Variants in NCAM2 observed in about 807,000 individuals in gnomAD.
The protein encoded by NCAM2 is neural cell adhesion molecule 2.
A neutral mutation model predicts 98.1 loss-of-function variants in NCAM2; 30 were observed. The observed-to-expected ratio is 0.31, with a 90% confidence interval of 0.23 to 0.41. The LOEUF (loss-of-function observed/expected upper bound fraction) is 0.41, where lower values mean the gene tolerates loss of function less well. Ranked by LOEUF, NCAM2 falls within the 10% of genes least tolerant of loss-of-function variation. NCAM2 has a pLI of 1.00. For synonymous variants in NCAM2, 368 were observed against 342.4 expected (o/e 1.07, Z -0.83); for missense variants, 867 against 1,005.8 (o/e 0.86, Z 1.87).
intron 9 of NCAM2, among the ~76,000 whole-genome samples, chr21:21,394,468 G>C (rs2076452747): frequency 1.3e-5 from 1 of 75,826 alleles, no homozygotes; most frequent in South Asian, 5.0e-4. Context: ...TAAGGGGCCA[G>C]CTTTTTTTTT....
Position 21,541,544 on chromosome 21 carries a change from A to G in NCAM2, c.*3587A>G, listed in dbSNP as rs1990232067. 6.6e-6 allele frequency: 1 copy of G among 151,774 alleles called. No individual in the cohort carries two copies. The highest frequency in any genetic ancestry group is 1.5e-5 in the Non-Finnish European group (1 of 67,788). 9.4% of individuals were successfully genotyped at this position (151,774 alleles called of 1,614,324 possible). On this transcript the variant is annotated 3_prime_UTR_variant, in exon 18 of 18. Coordinates refer to ENST00000400546, the MANE Select transcript of NCAM2 (RefSeq NM_004540.5). ...TTTTGCCAGTTGTAAGACAAAGACA[A>G]CAGATAACTTTTGAAAATCAAGCAA...
chr21:21,172,938 T>G (rs2068170182), intron 1 of NCAM2, among the ~76,000 whole-genome samples: 2 of 152,166 alleles, frequency 1.3e-5, no homozygotes, highest in Admixed American at 1.3e-4. Flanking sequence ...ACTTTTCCTG[T>G]TTGATCTTTT....
At chr21:21,228,475 A>G (rs145302905) in intron 1 of NCAM2, among the ~76,000 whole-genome samples, 4 of 151,656 alleles carry the variant, frequency 2.6e-5, no homozygotes, top group African/African-American at 7.2e-5. Flanking sequence ...GAGAATAGAT[A>G]AACTACAATT....
In NCAM2 at chr21:21,525,020, G is replaced by C. The variant is rs369299218; in HGVS notation, c.2283-9517G>C. Among the ~76,000 whole-genome samples the C allele has an allele frequency of 3.9e-4, 60 of 152,158 alleles. 1 individual carries two copies. In the East Asian group the frequency reaches 5.4e-3, roughly 14 times the overall value. ...GGGGATGAAGTGAAACCAATGTTTAGAGGGAAATTTCCTTGAATACATATA... is the reference window on the plus strand; with the variant it reads ...GGGGATGAAGTGAAACCAATGTTTACAGGGAAATTTCCTTGAATACATATA... On this transcript the variant is annotated intron_variant, in intron 16 of 17. Transcript: ENST00000400546.
At chr21:21,464,862 T>C (rs577499946) in intron 12 of NCAM2, among the ~76,000 whole-genome samples, 1 of 152,256 alleles carries the variant, frequency 6.6e-6, no homozygotes, top group African/African-American at 2.4e-5. Context: ...GTCATTACCC[T>C]GTCAGAAATC....
chr21:21,291,198 A>G (rs1200288367), intron 4 of NCAM2, among the ~76,000 whole-genome samples: 1 of 151,914 alleles, frequency 6.6e-6, no homozygotes, highest in East Asian at 1.9e-4. Context: ...AACAGATAAT[A>G]GTCAATGAGA....
In NCAM2 at chr21:21,130,937, C is replaced by T. The variant is rs532243844; in HGVS notation, c.55+132319C>T. On this transcript the variant is annotated intron_variant, in intron 1 of 17. Coordinates refer to ENST00000400546, the MANE Select transcript of NCAM2 (RefSeq NM_004540.5). Reference sequence around the variant, plus strand: ...GTTTAACTGAATGTTTCAGGTATAACGTGATCAACGTTATTGATACTAAAC... The same window carrying T: ...GTTTAACTGAATGTTTCAGGTATAATGTGATCAACGTTATTGATACTAAAC... Among the ~76,000 whole-genome samples, 10 of 152,164 alleles carry T rather than the reference C, an allele frequency of 6.6e-5. No individual in the cohort carries two copies. In the East Asian group the frequency reaches 1.6e-3, roughly 24 times the overall value.
rs75689489 is a variant in NCAM2 at position 21,007,930 on chromosome 21, C to T, written c.55+9312C>T. ...GTTGCTGTGATTCAGACGCCTCTGA[C>T]GTTTCTAATACTAGGCTTTCTGATT... On this transcript the variant is annotated intron_variant, in intron 1 of 17. Transcript: ENST00000400546. 9.7e-3 allele frequency among the ~76,000 whole-genome samples: 1,475 copies of T among 152,200 alleles called. 16 individuals carry two copies. Among genetic ancestry groups the T allele is most frequent in the African/African-American group, 0.033 (1,374 of 41,524 alleles).
chr21:21,226,453 G>A (rs1473467392), intron 1 of NCAM2, among the ~76,000 whole-genome samples: 3 of 152,128 alleles, frequency 2.0e-5, no homozygotes, highest in South Asian at 4.2e-4. Flanking sequence ...ATAACACTTA[G>A]AAATCCCTGA....
rs2064492568 is a variant in NCAM2, at chr21:21,024,106, T to C, written c.55+25488T>C. Among the ~76,000 whole-genome samples the C allele has an allele frequency of 2.6e-5, 4 of 152,210 alleles. No homozygotes were observed. The South Asian group carries it at 8.3e-4, about 32-fold the overall frequency. On this transcript the variant is annotated intron_variant, in intron 1 of 17. Coordinates refer to ENST00000400546, the MANE Select transcript of NCAM2 (RefSeq NM_004540.5). ...CAATAATACAAAGAATATGTGATATTCCATATAAGTGATGAAATGTGATGT... is the reference window on the plus strand; with the variant it reads ...CAATAATACAAAGAATATGTGATATCCCATATAAGTGATGAAATGTGATGT...
intron 15 of NCAM2, among the ~76,000 whole-genome samples, chr21:21,504,599 A>T (rs774930806): frequency 6.6e-6 from 1 of 151,836 alleles, no homozygotes; most frequent in East Asian, 1.9e-4. Flanking sequence ...TTTTTATGCC[A>T]GAGTAAATTG....
chr21:21,253,697 A>G lies in NCAM2; in HGVS notation c.56-26881A>G, dbSNP rs374238197. Among the ~76,000 whole-genome samples, 3 of 152,356 alleles carry G rather than the reference A, an allele frequency of 2.0e-5. No homozygotes were observed. The East Asian group carries it at 5.8e-4, about 29-fold the overall frequency. On this transcript the variant is annotated intron_variant, in intron 1 of 17. Coordinates refer to ENST00000400546, the MANE Select transcript of NCAM2 (RefSeq NM_004540.5). The stretch of plus-strand genomic sequence containing the variant: ...AGCAGGCCAAACATACTAAGACATT[A>G]TTTGGATGAACTAGCCTAAAATTAA...
chr21:21,012,733 G>GCC (rs142378286), intron 1 of NCAM2, among the ~76,000 whole-genome samples: 1 of 151,626 alleles, frequency 6.6e-6, no homozygotes, highest in African/African-American at 2.4e-5. Flanking sequence ...AATGTCTGTG[G>GCC]CCCCCCTGTG....
intron 1 of NCAM2, among the ~76,000 whole-genome samples, chr21:21,165,978 G>C (rs1321608518): frequency 2.0e-5 from 3 of 152,098 alleles, no homozygotes; most frequent in Non-Finnish European, 2.9e-5. Flanking sequence ...CCTGTTTAAT[G>C]ATGGGGCCAT....
At chr21:21,224,875 G>T (rs1322280407) in intron 1 of NCAM2, among the ~76,000 whole-genome samples, 1 of 152,064 alleles carries the variant, frequency 6.6e-6, no homozygotes, top group African/African-American at 2.4e-5. Flanking sequence ...AACTATAAAA[G>T]AAAAGTAAGA....
chr21:21,139,867 A>G (rs1164856911), intron 1 of NCAM2, among the ~76,000 whole-genome samples: 1 of 152,144 alleles, frequency 6.6e-6, no homozygotes, highest in East Asian at 1.9e-4. Flanking sequence ...TTACTCCTTT[A>G]TTAAAAATAA....
chr21:21,414,186 C>T (rs1386283466), intron 10 of NCAM2, among the ~76,000 whole-genome samples: 1 of 152,142 alleles, frequency 6.6e-6, no homozygotes, highest in East Asian at 1.9e-4. Flanking sequence ...TCTTCAGGCT[C>T]CATTTCTAAT....
chr21:21,029,690 G>A (rs531705290), intron 1 of NCAM2, among the ~76,000 whole-genome samples: 2 of 151,934 alleles, frequency 1.3e-5, no homozygotes, highest in Non-Finnish European at 2.9e-5. Context: ...GAGTACAGTG[G>A]CGCGATCTTG....
chr21:21,355,647 G>A lies in NCAM2; in HGVS notation c.1044+17113G>A, dbSNP rs548867626. ...TTATTATTATTTAAGGCGGAGTCTC[G>A]CTCTGTCACCCAGGCTGGAGCGCAG... On this transcript the variant is annotated intron_variant, in intron 8 of 17. Transcript: ENST00000400546. Among the ~76,000 whole-genome samples the A allele has an allele frequency of 1.6e-3, 235 of 151,278 alleles. 1 individual carries two copies. Among genetic ancestry groups the A allele is most frequent in the African/African-American group, 5.0e-3 (207 of 41,270 alleles).
Sources: gnomAD v4.1 joint callset for allele counts (sites outside exome capture counted in the v4.1 genomes callset) on GRCh38, gnomAD v4.1.1 for gene constraint, MANE v1.5 for transcripts, NCBI Gene and HGNC (gene_info 2026-07-23, HGNC 2026-07-21) for gene names.